The following SCN2A variants were observed in gnomAD, a reference collection of about 807,000 sequenced individuals.
SCN2A encodes the protein sodium channel protein type 2 subunit alpha.
In SCN2A, 20 loss-of-function variants were observed where a neutral mutation model predicts 188.7. The observed-to-expected ratio is 0.11, with a 90% CI of 0.07 to 0.15. The LOEUF (loss-of-function observed/expected upper bound fraction) is 0.15. Among genes scored for constraint, SCN2A ranks in the 10% least tolerant of loss-of-function variants. SCN2A has a pLI of 1.00. For missense variants in SCN2A, 1,278 were observed against 2,445.0 expected (o/e 0.52, Z 10.07); for synonymous variants, 804 against 833.1 (o/e 0.97, Z 0.60).
At position 165,297,067 on chromosome 2, in the gene SCN2A, C is replaced by A. The variant is rs1439931495; in HGVS notation, c.318C>A (p.Thr106=). The change falls in exon 3 of 27, where the codon ACC becomes ACA. Residue 106 remains threonine, a synonymous_variant. Coordinates refer to ENST00000375437, the MANE Select transcript of SCN2A (RefSeq NM_001040142.2). The part of the protein sequence containing the change: ...KGKAISRFSA[T]PALYILTPFN... ...AAGCAATCTCTCGATTCAGTGCCACCCCTGCCCTTTACATTTTAACTCCCT... is the reference window on the plus strand; with the variant it reads ...AAGCAATCTCTCGATTCAGTGCCACACCTGCCCTTTACATTTTAACTCCCT... The A allele has an allele frequency of 1.2e-6, 2 of 1,611,948 alleles. No homozygotes were observed. Among genetic ancestry groups the A allele is most frequent in the Admixed American group, 3.3e-5 (2 of 59,850 alleles).
At chr2:165,287,598 C>G (rs781204737) in intron 1 of SCN2A, among the ~76,000 whole-genome samples, 54 of 152,040 alleles carry the variant, frequency 3.6e-4, no homozygotes, top group Non-Finnish European at 2.1e-4. Context: ...TTAGTAACCA[C>G]CTGACCGTCA....
At chr2:165,278,714 G>T (rs1331949550) in intron 1 of SCN2A, among the ~76,000 whole-genome samples, 1 of 152,094 alleles carries the variant, frequency 6.6e-6, no homozygotes, top group Non-Finnish European at 1.5e-5. Flanking sequence ...AAGGCAGGGG[G>T]ATTACTTGAG....
At chr2:165,287,025 T>C (rs1445384995) in intron 1 of SCN2A, among the ~76,000 whole-genome samples, 1 of 152,092 alleles carries the variant, frequency 6.6e-6, no homozygotes, top group African/African-American at 2.4e-5. Flanking sequence ...GAGGAAAGAA[T>C]TTGGCTGAGG....
At chr2:165,332,502 G>A (rs752478152) in intron 14 of SCN2A, among the ~76,000 whole-genome samples, 19 of 151,970 alleles carry the variant, frequency 1.3e-4, no homozygotes, top group Non-Finnish European at 1.5e-4. Context: ...TCTGTATTTC[G>A]CAGTTGGGAA....
Position 165,388,993 on chromosome 2 carries a change from A to G in SCN2A, c.5187A>G (p.Pro1729=), listed in dbSNP as rs587780449. The G allele has an allele frequency of 1.9e-6, 3 of 1,614,130 alleles. No homozygotes were observed. The highest frequency in any genetic ancestry group is 2.5e-6 in the Non-Finnish European group (3 of 1,180,010). The part of the protein sequence containing the change: ...LLAPILNSGP[P]DCDPDKDHPG... ...CACCTATTCTTAATAGTGGACCTCC[A>G]GACTGTGACCCTGACAAAGATCACC... Residue 1729 remains proline, a synonymous_variant, in exon 27 of 27, where the codon CCA becomes CCG. Coordinates refer to ENST00000375437, the MANE Select transcript of SCN2A (RefSeq NM_001040142.2).
At chr2:165,258,751 C>T (rs926240063) in intron 1 of SCN2A, among the ~76,000 whole-genome samples, 8 of 152,160 alleles carry the variant, frequency 5.3e-5, no homozygotes, top group African/African-American at 1.9e-4. Context: ...TACTATGCAG[C>T]CATAAAAGAT....
chr2:165,260,796 CCT>C (rs1694559543), intron 1 of SCN2A, among the ~76,000 whole-genome samples: 1 of 151,630 alleles, frequency 6.6e-6, no homozygotes, highest in Non-Finnish European at 1.5e-5. Flanking sequence ...AAGAAACCCC[CCT>C]CTCTACTAAA....
chr2:165,297,476 G>A (rs1000692524), intron 3 of SCN2A, among the ~76,000 whole-genome samples: 4 of 152,146 alleles, frequency 2.6e-5, no homozygotes, highest in African/African-American at 9.7e-5. Context: ...TTAGGTAAGG[G>A]AGTAAACTCC....
chr2:165,334,640 A>T (rs1369385478), intron 14 of SCN2A, among the ~76,000 whole-genome samples: 1 of 151,782 alleles, frequency 6.6e-6, no homozygotes, highest in African/African-American at 2.4e-5. Context: ...ACACCATCTC[A>T]AAAGACCCCA....
intron 1 of SCN2A, among the ~76,000 whole-genome samples, chr2:165,286,310 T>G (rs531969019): frequency 6.6e-6 from 1 of 152,322 alleles, no homozygotes; most frequent in African/African-American, 2.4e-5. Flanking sequence ...GCTCACCATG[T>G]GCATGTAGGT....
chr2:165,249,539 C>T (rs921514390), intron 1 of SCN2A, among the ~76,000 whole-genome samples: 1 of 152,024 alleles, frequency 6.6e-6, no homozygotes, highest in African/African-American at 2.4e-5. Flanking sequence ...CACGCCTTAG[C>T]TTAGTGAATA....
intron 3 of SCN2A, among the ~76,000 whole-genome samples, chr2:165,306,618 G>A (rs1697152909): frequency 6.6e-6 from 1 of 150,492 alleles, no homozygotes; most frequent in Admixed American, 6.6e-5. Flanking sequence ...TTTTCATATG[G>A]ATGAAAAAAC....
At chr2:165,262,690 G>T (rs577926762) in intron 1 of SCN2A, among the ~76,000 whole-genome samples, 19 of 152,080 alleles carry the variant, frequency 1.2e-4, no homozygotes, top group Non-Finnish European at 1.9e-4. Flanking sequence ...TTGCAATTGT[G>T]AATTGTGCTG....
chr2:165,370,019 C>T (rs1011978978), intron 19 of SCN2A, 107 bp from the exon 20 acceptor site: 1 of 932,706 alleles, frequency 1.1e-6, no homozygotes, highest in African/African-American at 1.7e-5. Flanking sequence ...ATTAAACCTT[C>T]CAGCCTTAGG....
chr2:165,371,601 A>T (rs951915100), intron 20 of SCN2A: 1 of 152,222 alleles, frequency 6.6e-6, no homozygotes, highest in Non-Finnish European at 1.5e-5. Context: ...ACGTTGGTGC[A>T]TGACATGCAG....
intron 1 of SCN2A, among the ~76,000 whole-genome samples, chr2:165,288,491 T>C (rs1432211951): frequency 1.3e-5 from 2 of 150,704 alleles, no homozygotes; most frequent in African/African-American, 2.4e-5. Context: ...AATATAAAAA[T>C]AAACTATAAA....
intron 20 of SCN2A, chr2:165,372,508 G>C (rs981194628): frequency 6.6e-6 from 1 of 151,890 alleles, no homozygotes; most frequent in Non-Finnish European, 1.5e-5. Flanking sequence ...CAAGGAAATT[G>C]GACATGTGTA....
chr2:165,377,460 A>G, intron 22 of SCN2A, 137 bp from the exon 23 acceptor site: 1 of 693,860 alleles, frequency 1.4e-6, no homozygotes, highest in Non-Finnish European at 2.4e-6. Flanking sequence ...ACATTGCCCC[A>G]AAAGTGAATA....
chr2:165,373,396 C>T (rs373640819), intron 21 of SCN2A, 49 bp downstream of exon 21: 34 of 1,605,864 alleles, frequency 2.1e-5, no homozygotes, highest in Non-Finnish European at 2.9e-5. Flanking sequence ...TGAGAGCAGA[C>T]TGACACTTTG....
Sources: allele counts gnomAD v4.1 joint callset (sites outside exome capture counted in the v4.1 genomes callset), GRCh38; gene constraint gnomAD v4.1.1; transcripts MANE v1.5; gene names NCBI Gene and HGNC (gene_info 2026-07-23, HGNC 2026-07-21).